SEMA6C: variants seen among roughly 807,000 people sequenced by gnomAD.
SEMA6C encodes the protein semaphorin-6C.
In SEMA6C, 37 loss-of-function variants were observed where a neutral mutation model predicts 72.9. The observed-to-expected ratio is 0.51, with a 90% CI of 0.39 to 0.67. The LOEUF is 0.67. Ranked by LOEUF, SEMA6C falls within the 30% of genes least tolerant of loss-of-function variation. The pLI is 0.00. For missense variants in SEMA6C, 1,189 were observed against 1,263.6 expected, an observed-to-expected ratio of 0.94 and a Z score of 0.89; for synonymous variants, 578 against 554.1, an observed-to-expected ratio of 1.04 and a Z score of -0.61.
intron 8 of SEMA6C, 26 bp from the exon 9 acceptor site, chr1:151,138,131 A>G: frequency 5.0e-6 from 8 of 1,612,108 alleles, no homozygotes; most frequent in Non-Finnish European, 6.8e-6. Context: ...GAGTGGGGTC[A>G]GGGGAGGGCT....
intron 6 of SEMA6C, among the ~76,000 whole-genome samples, chr1:151,139,001 G>A (rs1017574950): frequency 6.6e-6 from 1 of 151,226 alleles, no homozygotes; most frequent in South Asian, 2.1e-4. Flanking sequence ...GCTGAGGCAG[G>A]AGAAATGCTT....
In SEMA6C at chr1:151,132,444, C is replaced by G. The variant is rs1402725935; in HGVS notation, c.*40G>C. Reference sequence around the variant, plus strand: ...AGCGTCCAGCTCGTGGCCGAGAGGACTCGGGCGCTCCCCACGCTGGAGGCC... The same window carrying G: ...AGCGTCCAGCTCGTGGCCGAGAGGAGTCGGGCGCTCCCCACGCTGGAGGCC... On this transcript the variant is annotated 3_prime_UTR_variant, in exon 19 of 19. Transcript: ENST00000368914. 2 of 1,534,336 alleles carry G rather than the reference C, an allele frequency of 1.3e-6. No homozygotes were observed. The highest frequency in any genetic ancestry group is 2.4e-5 in the South Asian group (2 of 82,288).
chr1:151,136,140 C>A lies in SEMA6C; in HGVS notation c.1130G>T (p.Gly377Val), dbSNP rs1682003613. The change falls in exon 13 of 19, where the codon GGG becomes GTG. Residue 377 changes from glycine to valine, a missense_variant. Physicochemically the swap from Gly to Val is moderately radical, Grantham distance 109 (BLOSUM62 -3). Around this residue, in one of 2 missense-constraint regions of SEMA6C, gnomAD observed 468 missense variants for 577.4 expected, o/e 0.81. Coordinates refer to ENST00000368914, the MANE Select transcript of SEMA6C (RefSeq NM_030913.6). ...GGAAGAGGAGAACAAGGCAGCTCCCCCTACTCCTGCACAGGATCCTGGCCT... is the reference window on the plus strand; with the variant it reads ...GGAAGAGGAGAACAAGGCAGCTCCCACTACTCCTGCACAGGATCCTGGCCT... ...SPRPGSCAGV[G>V]GAALFSSSRD... 6.2e-7 allele frequency: 1 copy of A among 1,613,764 alleles called. No homozygotes were observed.
chr1:151,138,251 G>C (rs972078600), intron 8 of SEMA6C, 65 bp downstream of exon 8: 2 of 1,589,640 alleles, frequency 1.3e-6, no homozygotes, highest in Non-Finnish European at 1.7e-6. Context: ...GACCCACTGG[G>C]AGAGGAGCTA....
intron 18 of SEMA6C, chr1:151,134,017 G>A (rs772802974): frequency 6.5e-7 from 1 of 1,538,672 alleles, no homozygotes; most frequent in Non-Finnish European, 8.8e-7. Flanking sequence ...TCACTGGGAG[G>A]ACTGGGGGTC....
Position 151,133,870 on chromosome 1 carries a change from C to T in SEMA6C, c.1760-353G>A. The T allele has an allele frequency of 8.7e-7, 1 of 1,155,878 alleles. No homozygotes were observed. Among genetic ancestry groups the T allele is most frequent in the Non-Finnish European group, 1.2e-6 (1 of 804,456 alleles). The allele number at this position is 1,155,878 out of a possible 1,614,324, so 71.6% of individuals were successfully genotyped here. A position where few individuals can be genotyped will look rare whatever the true frequency, so the allele number is the denominator to read the frequency against. On this transcript the variant is annotated intron_variant, in intron 18 of 18. Transcript: ENST00000368914. The surrounding 1 kb of genome is among the most constrained non-coding windows in gnomAD (Gnocchi z 5.9). ...GAGGCTCCAAACAGGCGTTAGTGAG[C>T]ACCAAACACCATTCAGTGAGGGGCT... is the stretch of plus-strand genomic sequence containing the variant.
Position 151,134,306 on chromosome 1 carries a change from G to A in SEMA6C, c.1759+95C>T. 3 of 1,222,838 alleles carry A rather than the reference G, an allele frequency of 2.5e-6. No individual in the cohort carries two copies. In the Admixed American group the frequency reaches 5.9e-5, roughly 24 times the overall value. The allele number at this position is 1,222,838 out of a possible 1,614,324, so 75.7% of individuals were successfully genotyped here. On this transcript the variant is annotated intron_variant, in intron 18 of 18. Coordinates refer to ENST00000368914, the MANE Select transcript of SEMA6C (RefSeq NM_030913.6). ...TGCCGACCCTTTTCCGATACTCCCA[G>A]GGTATTCAGAATGCTGCTCTGCTGC...
intron 10 of SEMA6C, 119 bp downstream of exon 10, chr1:151,137,592 T>A (rs1400681659): frequency 2.5e-6 from 2 of 808,128 alleles, no homozygotes; most frequent in East Asian, 5.0e-5. Flanking sequence ...AGTTGAGGGG[T>A]GAGAGTCCAG....
chr1:151,140,080 T>TG lies in SEMA6C; in HGVS notation c.128dup (p.Leu44IlefsTer10). ...CCTCCAGGCCCCGAAACCAGGATAA[T>TG]GGGGAAGTACCTTGAGGACACAGAG... On this transcript the variant is annotated frameshift_variant, in exon 4 of 19. Coordinates refer to ENST00000368914, the MANE Select transcript of SEMA6C (RefSeq NM_030913.6). LOFTEE classifies it high-confidence loss of function. The TG allele has an allele frequency of 6.2e-7, 1 of 1,613,804 alleles. No individual in the cohort carries two copies. The highest frequency in any genetic ancestry group is 1.1e-5 in the South Asian group (1 of 91,034).
rs747501702 is a variant in SEMA6C, at chr1:151,131,896, G to A, written c.*588C>T. 10 of 190,244 alleles carry A rather than the reference G, an allele frequency of 5.3e-5. No homozygotes were observed. The highest frequency in any genetic ancestry group is 8.9e-5 in the Non-Finnish European group (8 of 89,634). The allele number at this position is 190,244 out of a possible 1,614,324, so 11.8% of individuals were successfully genotyped here. ...TCACCTCGACACCGTTAATTCGCTC[G>A]TCTCCTTTAGGAAACCTTTCCAGAC... On this transcript the variant is annotated 3_prime_UTR_variant, in exon 19 of 19. Coordinates refer to ENST00000368914, the MANE Select transcript of SEMA6C (RefSeq NM_030913.6).
In SEMA6C at chr1:151,132,392, G is replaced by T. The variant is rs1230608050; in HGVS notation, c.*92C>A. The T allele has an allele frequency of 3.9e-6, 6 of 1,523,914 alleles. No homozygotes were observed. Among genetic ancestry groups the T allele is most frequent in the Non-Finnish European group, 5.3e-6 (6 of 1,133,352 alleles). 94.4% of individuals were successfully genotyped at this position (1,523,914 alleles called of 1,614,324 possible). ...GAGTCGGGAAGGCTGGAGGTGCGGGGCGAGGGGGCGGTGAAACGTCCTGAA... is the reference window on the plus strand; with the variant it reads ...GAGTCGGGAAGGCTGGAGGTGCGGGTCGAGGGGGCGGTGAAACGTCCTGAA... On this transcript the variant is annotated 3_prime_UTR_variant, in exon 19 of 19. Coordinates refer to ENST00000368914, the MANE Select transcript of SEMA6C (RefSeq NM_030913.6).
Position 151,135,182 on chromosome 1 carries a change from G to C in SEMA6C, c.1561C>G (p.Arg521Gly). 3.1e-6 allele frequency: 5 copies of C among 1,613,994 alleles called. No homozygotes were observed. The highest frequency in any genetic ancestry group is 4.2e-6 in the Non-Finnish European group (5 of 1,179,922). ...TCTCACCTCTGACAGGCCCCATGCCGGGCACACCGGCTGAGAGGGAGGTAG... is the reference window on the plus strand; with the variant it reads ...TCTCACCTCTGACAGGCCCCATGCCCGGCACACCGGCTGAGAGGGAGGTAG... The part of the protein sequence containing the change: ...IVYLPLSRCA[R>G]HGACQRSCLA... The change falls in exon 15 of 19, where the codon CGG becomes GGG. Residue 521 changes from arginine (R) to glycine (G), a missense_variant. Physicochemically the swap from Arg to Gly is moderately radical, Grantham distance 125. Coordinates refer to ENST00000368914, the MANE Select transcript of SEMA6C (RefSeq NM_030913.6).
At chr1:151,134,534 A>T (rs1681852535) in intron 17 of SEMA6C, 86 bp downstream of exon 17, 1 of 1,606,926 alleles carries the variant, frequency 6.2e-7, no homozygotes, top group Non-Finnish European at 8.5e-7. Flanking sequence ...GGAGAGAAGG[A>T]CAAAAGGCCA....
At position 151,133,247 on chromosome 1, in the gene SEMA6C, G is replaced by T. The variant is rs1391554766; in HGVS notation, c.2030C>A (p.Pro677Gln). The stretch of plus-strand genomic sequence containing the variant: ...CGGCAGGAAGGTGGTGTAGAGCTGC[G>T]GCGTCTGCACCGCGTCCCCGTCCTT... ...PSKDGDAVQTPQLYTTFLPPP... is the reference protein window; with the variant it reads ...PSKDGDAVQTQQLYTTFLPPP... Residue 677 changes from proline to glutamine, a missense_variant, in exon 19 of 19, where the codon CCG becomes CAG. Physicochemically the swap from Pro to Gln is moderately conservative, Grantham distance 76. Transcript: ENST00000368914. This position sits in a 1 kb window ranked among gnomAD's most constrained non-coding sequence, Gnocchi z 5.9. 4 of 1,582,280 alleles carry T rather than the reference G, an allele frequency of 2.5e-6. No homozygotes were observed. Among genetic ancestry groups the T allele is most frequent in the Non-Finnish European group, 3.4e-6 (4 of 1,169,616 alleles).
At chr1:151,137,837 ATC>A in intron 9 of SEMA6C, 38 bp from the exon 10 acceptor site, 1 of 1,592,342 alleles carries the variant, frequency 6.3e-7, no homozygotes, top group Non-Finnish European at 8.6e-7. Context: ...ATAGAAGAGT[ATC>A]TGTACCTGCT....
rs763367545 is a variant in SEMA6C at position 151,136,846 on chromosome 1, C to T, written c.974+11G>A. ...GACAGATTGGGTCACACTAGTCAGC[C>T]TAGTACCAACCTATTGGTCTGGGTG... On this transcript the variant is annotated intron_variant, in intron 11 of 18. Coordinates refer to ENST00000368914, the MANE Select transcript of SEMA6C (RefSeq NM_030913.6). The T allele has an allele frequency of 6.2e-7, 1 of 1,611,090 alleles. No individual in the cohort carries two copies. The highest frequency in any genetic ancestry group is 1.1e-5 in the South Asian group (1 of 90,960).
chr1:151,140,810 T>G (rs186008787), intron 3 of SEMA6C, among the ~76,000 whole-genome samples: 1 of 151,972 alleles, frequency 6.6e-6, no homozygotes, highest in African/African-American at 2.4e-5. Flanking sequence ...CTGGCTAACA[T>G]GGTGAAACCC....
At chr1:151,139,092 C>CAAA in intron 6 of SEMA6C, among the ~76,000 whole-genome samples, 1 of 53,086 alleles carries the variant, frequency 1.9e-5, no homozygotes, top group East Asian at 5.3e-4. Flanking sequence ...GACTCCGTCT[C>CAAA]AAAAAAAAAA....
At position 151,142,541 on chromosome 1, in the gene SEMA6C, G is replaced by C; in HGVS notation, c.81C>G (p.Pro27=). 1.2e-6 allele frequency: 2 copies of C among 1,612,884 alleles called. No homozygotes were observed. Among genetic ancestry groups the C allele is most frequent in the East Asian group, 4.5e-5 (2 of 44,846 alleles). ...LSLPHTQAAF[P]QDPLPLLISD... ...AGATCAACAGAGGGAGGGGGTCCTGGGGAAAGGCGGCCTGAGTATGGGGAA... is the reference window on the plus strand; with the variant it reads ...AGATCAACAGAGGGAGGGGGTCCTGCGGAAAGGCGGCCTGAGTATGGGGAA... The change falls in exon 3 of 19, where the codon CCC becomes CCG. Residue 27 remains proline (P), a synonymous_variant. Transcript: ENST00000368914.
Sources: allele counts gnomAD v4.1 joint callset (sites outside exome capture counted in the v4.1 genomes callset), GRCh38; gene constraint gnomAD v4.1.1; regional missense constraint gnomAD v4.1.1; non-coding constraint Gnocchi (gnomAD v3.1); transcripts MANE v1.5; gene names NCBI Gene and HGNC (gene_info 2026-07-23, HGNC 2026-07-21).